Variants in LARP4 observed in about 807,000 individuals in gnomAD.
LARP4 encodes la-related protein 4.
A neutral mutation model predicts 92.9 loss-of-function variants in LARP4; 29 were observed. The observed-to-expected ratio is 0.31, with a 90% CI of 0.23 to 0.43. The LOEUF is 0.43. Among genes scored for constraint, LARP4 ranks in the 20% least tolerant of loss-of-function variants. The probability of loss-of-function intolerance (pLI) is 1.00; values close to 1 mark genes in which losing one functional copy is unlikely to be tolerated. For missense variants in LARP4, 732 were observed against 860.0 expected (o/e 0.85, Z 1.86); for synonymous variants, 279 against 284.1 (o/e 0.98, Z 0.18).
chr12:50,425,512 G>A (rs1420222759), intron 1 of LARP4, among the ~76,000 whole-genome samples: 1 of 152,160 alleles, frequency 6.6e-6, no homozygotes, highest in Non-Finnish European at 1.5e-5. Context: ...CATGGCAGGA[G>A]AGCTTGGCTA....
chr12:50,400,951 G>A lies in LARP4; in HGVS notation c.-60G>A. 6.2e-7 allele frequency: 1 copy of A among 1,612,844 alleles called. No individual in the cohort carries two copies. The highest frequency in any genetic ancestry group is 8.5e-7 in the Non-Finnish European group (1 of 1,178,828). ...GTCCTTATCCTAGCAATTGGGGCGC[G>A]GGCCTGTGAGCCAGTTGGAGTTGCG... On this transcript the variant is annotated 5_prime_UTR_variant, in exon 1 of 16. Transcript: ENST00000398473.
intron 13 of LARP4, among the ~76,000 whole-genome samples, chr12:50,470,667 C>T (rs191448986): frequency 4.1e-4 from 63 of 152,236 alleles, no homozygotes; most frequent in Non-Finnish European, 6.9e-4. Flanking sequence ...CTCCTGACCT[C>T]AGGTGAGCCA....
intron 1 of LARP4, among the ~76,000 whole-genome samples, chr12:50,422,831 A>ATTT (rs1196247662): frequency 2.5e-5 from 3 of 119,340 alleles, no homozygotes; most frequent in Non-Finnish European, 3.7e-5. Context: ...TATTATTATT[A>ATTT]TTTTTGAGAC....
At chr12:50,438,349 T>C (rs1019819968) in intron 6 of LARP4, among the ~76,000 whole-genome samples, 11 of 151,880 alleles carry the variant, frequency 7.2e-5, no homozygotes, top group African/African-American at 2.4e-4. Flanking sequence ...ATCAAAAAAT[T>C]AGCCAGGCAT....
At chr12:50,471,808 C>G (rs1407972367) in intron 13 of LARP4, among the ~76,000 whole-genome samples, 1 of 152,164 alleles carries the variant, frequency 6.6e-6, no homozygotes, top group Non-Finnish European at 1.5e-5. Flanking sequence ...CAGGTGTGAG[C>G]CACTGCGCCT....
rs768265744 is a variant in LARP4 at position 50,441,631 on chromosome 12, C to G, written c.792C>G (p.Gly264=). 7 of 1,601,274 alleles carry G rather than the reference C, an allele frequency of 4.4e-6. No individual in the cohort carries two copies. The South Asian group carries it at 7.9e-5, about 18-fold the overall frequency. ...GAGAAGAAGTTAAAACATTTCAGGG[C>G]AAGCCAATTATGGTAAGAAATAGAG... The part of the protein sequence containing the change: ...YLREEVKTFQ[G]KPIMARIKAI... Residue 264 remains glycine, a synonymous_variant, in exon 8 of 16, where the codon GGC becomes GGG. Transcript: ENST00000398473.
chr12:50,403,093 T>G (rs1474449080), intron 1 of LARP4, among the ~76,000 whole-genome samples: 1 of 152,202 alleles, frequency 6.6e-6, no homozygotes, highest in Non-Finnish European at 1.5e-5. Flanking sequence ...AGAAGTTAGA[T>G]GTCTAAGGTC....
At chr12:50,418,282 G>A (rs753851223) in intron 1 of LARP4, among the ~76,000 whole-genome samples, 1 of 152,056 alleles carries the variant, frequency 6.6e-6, no homozygotes, top group Non-Finnish European at 1.5e-5. Context: ...GATTACAGGC[G>A]TGAGCCACTG....
At chr12:50,417,531 G>A (rs904731719) in intron 1 of LARP4, among the ~76,000 whole-genome samples, 7 of 152,104 alleles carry the variant, frequency 4.6e-5, no homozygotes, top group African/African-American at 1.4e-4. Flanking sequence ...AATCCAAGAT[G>A]TTGCTATAGT....
Position 50,441,709 on chromosome 12 carries a change from T to C in LARP4, c.804+66T>C, listed in dbSNP as rs1951232163. ...GTTCTCTGTATGAGAATTTAAAAAA[T>C]ACAGACAGATAATATTTTATAAAAA... is the stretch of plus-strand genomic sequence containing the variant. On this transcript the variant is annotated intron_variant, in intron 8 of 15. Transcript: ENST00000398473. 1.0e-5 allele frequency: 12 copies of C among 1,185,740 alleles called. No homozygotes were observed. In the South Asian group the frequency reaches 1.6e-4, roughly 16 times the overall value. 73.5% of individuals were successfully genotyped at this position (1,185,740 alleles called of 1,614,324 possible).
chr12:50,467,067 C>A lies in LARP4; in HGVS notation c.1492C>A (p.Leu498Ile). The A allele has an allele frequency of 6.2e-7, 1 of 1,613,584 alleles. No individual in the cohort carries two copies. The highest frequency in any genetic ancestry group is 8.5e-7 in the Non-Finnish European group (1 of 1,179,620). The change falls in exon 13 of 16, where the codon CTC becomes ATC. Residue 498 changes from leucine (L) to isoleucine (I), a missense_variant. Physicochemically the swap from Leu to Ile is conservative, Grantham distance 5. This residue lies in a region of LARP4 where 264 missense variants were observed against 269.5 expected (regional missense o/e 0.98). Coordinates refer to ENST00000398473, the MANE Select transcript of LARP4 (RefSeq NM_052879.5). ...AAGTTCATCAAGAATGCCAGGTGAACTCGTTTTGGAGAATAGGATGTCTGA... is the reference window on the plus strand; with the variant it reads ...AAGTTCATCAAGAATGCCAGGTGAAATCGTTTTGGAGAATAGGATGTCTGA... ...PGSSSRMPGE[L>I]VLENRMSDVV...
chr12:50,469,417 A>C (rs1173299544), intron 13 of LARP4, among the ~76,000 whole-genome samples: 1 of 152,042 alleles, frequency 6.6e-6, no homozygotes, highest in East Asian at 1.9e-4. Flanking sequence ...ATCCTGGCTA[A>C]CATGGTGAAA....
chr12:50,421,967 G>A (rs115202719), intron 1 of LARP4, among the ~76,000 whole-genome samples: 1,957 of 147,998 alleles, frequency 0.013, 45 homozygotes, highest in African/African-American at 0.044. Context: ...ACTTACATTG[G>A]TTGGATTTTT....
chr12:50,425,098 G>T (rs533333886), intron 1 of LARP4, among the ~76,000 whole-genome samples: 12 of 152,062 alleles, frequency 7.9e-5, no homozygotes, highest in Non-Finnish European at 1.8e-4. Context: ...AGTGAGCCAA[G>T]ATTGCACCAC....
chr12:50,441,002 G>C (rs12305878), intron 7 of LARP4, among the ~76,000 whole-genome samples: 1 of 150,552 alleles, frequency 6.6e-6, no homozygotes, highest in African/African-American at 2.4e-5. Flanking sequence ...TCCTGCCTCA[G>C]CCTCCCAAGT....
At chr12:50,415,387 A>G (rs1946593425) in intron 1 of LARP4, among the ~76,000 whole-genome samples, 1 of 152,176 alleles carries the variant, frequency 6.6e-6, no homozygotes, top group Admixed American at 6.6e-5. Flanking sequence ...GGGGTAGTGT[A>G]CTGCTGAAGG....
At chr12:50,407,861 C>T (rs746805381) in intron 1 of LARP4, among the ~76,000 whole-genome samples, 4 of 151,996 alleles carry the variant, frequency 2.6e-5, no homozygotes, top group Non-Finnish European at 5.9e-5. Context: ...TGTTAAAATG[C>T]AAATAGGCAC....
At chr12:50,423,715 G>C (rs1265248015) in intron 1 of LARP4, among the ~76,000 whole-genome samples, 1 of 151,386 alleles carries the variant, frequency 6.6e-6, no homozygotes, top group African/African-American at 2.4e-5. Context: ...CCAAAGTGCT[G>C]GGGTTACAGG....
At chr12:50,467,810 C>T (rs1022432012) in intron 13 of LARP4, among the ~76,000 whole-genome samples, 4 of 151,470 alleles carry the variant, frequency 2.6e-5, no homozygotes, top group African/African-American at 9.7e-5. Context: ...ATCAGAAATC[C>T]TCATGTCTCA....
Sources: gnomAD v4.1 joint callset for allele counts (sites outside exome capture counted in the v4.1 genomes callset) on GRCh38, gnomAD v4.1.1 for gene constraint, gnomAD v4.1.1 regional missense constraint, MANE v1.5 for transcripts, NCBI Gene and HGNC (gene_info 2026-07-23, HGNC 2026-07-21) for gene names.